ZNF609: variants seen among roughly 807,000 people sequenced by gnomAD.
The protein encoded by ZNF609 is zinc finger protein 609.
In ZNF609, 11 loss-of-function variants were observed where a neutral mutation model predicts 109.5. The ratio of observed to expected loss-of-function variants is 0.10; its 90% CI spans 0.06 to 0.17. ZNF609 has a LOEUF of 0.17. Ranked by LOEUF, ZNF609 falls within the 10% of genes least tolerant of loss-of-function variation. ZNF609 has a pLI of 1.00. For synonymous variants in ZNF609, 646 were observed against 662.0 expected (o/e 0.98, Z 0.37); for missense variants, 1,559 against 1,772.4 (o/e 0.88, Z 2.16).
chr15:64,675,040 A>G lies in ZNF609; in HGVS notation c.2186A>G (p.Lys729Arg). The part of the protein sequence containing the change: ...PALTPAKDKK[K>R]KDKKKKESSK... The stretch of plus-strand genomic sequence containing the variant: ...TTGACTCCAGCCAAGGACAAGAAAA[A>G]GAAAGACAAAAAAAAGAAGGAATCT... Residue 729 changes from lysine to arginine, a missense_variant, in exon 5 of 10, where the codon AAG becomes AGG. By Grantham distance (26) the Lys-to-Arg change is conservative. This residue lies in a region of ZNF609 where 1,204 missense variants were observed against 1,314.1 expected (regional missense o/e 0.92). Coordinates refer to ENST00000326648, the MANE Select transcript of ZNF609 (RefSeq NM_015042.2). 6.2e-7 allele frequency: 1 copy of G among 1,614,138 alleles called. No individual in the cohort carries two copies. Among genetic ancestry groups the G allele is most frequent in the Non-Finnish European group, 8.5e-7 (1 of 1,180,040 alleles).
intron 2 of ZNF609, among the ~76,000 whole-genome samples, chr15:64,531,830 C>T (rs1306638567): frequency 6.6e-6 from 1 of 152,168 alleles, no homozygotes; most frequent in Admixed American, 6.5e-5. Flanking sequence ...CTTAGAAATT[C>T]CATTCTCTCT....
intron 2 of ZNF609, among the ~76,000 whole-genome samples, chr15:64,532,621 T>G (rs1160450774): frequency 6.6e-6 from 1 of 152,216 alleles, no homozygotes; most frequent in Non-Finnish European, 1.5e-5. Context: ...GTTTTAAACA[T>G]CTTTAAGATG....
At chr15:64,485,690 A>T (rs1566995546) in intron 1 of ZNF609, among the ~76,000 whole-genome samples, 1 of 152,100 alleles carries the variant, frequency 6.6e-6, no homozygotes, top group Non-Finnish European at 1.5e-5. Context: ...CTGTAGTCCC[A>T]GCTATTCTGG....
At chr15:64,612,154 C>CT (rs1221182720) in intron 2 of ZNF609, among the ~76,000 whole-genome samples, 113 of 142,866 alleles carry the variant, frequency 7.9e-4, no homozygotes, top group East Asian at 4.7e-3. Context: ...TATATAGCTT[C>CT]TTTTTTTTTT....
intron 1 of ZNF609, among the ~76,000 whole-genome samples, chr15:64,461,837 C>T (rs1237507750): frequency 6.6e-6 from 1 of 152,330 alleles, no homozygotes. Context: ...ACAGGCCTCC[C>T]TTTTCTGTAT....
intron 1 of ZNF609, among the ~76,000 whole-genome samples, chr15:64,496,200 CTG>C (rs1477379052): frequency 2.0e-5 from 3 of 152,226 alleles, no homozygotes; most frequent in Admixed American, 6.5e-5. Context: ...GTACAGTAGA[CTG>C]AGAACTGTCA....
intron 3 of ZNF609, among the ~76,000 whole-genome samples, chr15:64,646,654 A>C (rs1478698901): frequency 7.1e-6 from 1 of 141,288 alleles, no homozygotes; most frequent in African/African-American, 2.7e-5. Context: ...AAAAAAAAAA[A>C]AAAACTGGGC....
chr15:64,558,274 CCCTACCCCCACCT>C (rs1205445686), intron 2 of ZNF609, among the ~76,000 whole-genome samples: 1 of 139,710 alleles, frequency 7.2e-6, no homozygotes, highest in Non-Finnish European at 1.6e-5. Context: ...CTCTTGCCAC[CCCTACCCCCACCT>C]CCTACCTGGG....
chr15:64,493,620 A>G (rs1234654052), intron 1 of ZNF609, among the ~76,000 whole-genome samples: 3 of 152,218 alleles, frequency 2.0e-5, no homozygotes, highest in Non-Finnish European at 4.4e-5. Context: ...ATGGTGGACA[A>G]GTGATTCCAG....
In ZNF609 at chr15:64,590,403, C is replaced by G. The variant is rs779971597; in HGVS notation, c.748-32424C>G. ...GTGGCATGATATCAGCTCACTGCAA[C>G]CTCTGCTTCCTGGTTTCAAGTGATT... is the stretch of plus-strand genomic sequence containing the variant. On this transcript the variant is annotated intron_variant, in intron 2 of 9. Transcript: ENST00000326648. Among the ~76,000 whole-genome samples, 45 of 152,026 alleles carry G rather than the reference C, an allele frequency of 3.0e-4. 1 individual carries two copies. Among genetic ancestry groups the G allele is most frequent in the Non-Finnish European group, 2.9e-5 (2 of 68,024 alleles).
intron 2 of ZNF609, among the ~76,000 whole-genome samples, chr15:64,570,854 C>T (rs1436437670): frequency 2.6e-5 from 4 of 152,002 alleles, no homozygotes; most frequent in Non-Finnish European, 5.9e-5. Flanking sequence ...AGCAAAACCT[C>T]GTCTCTACTA....
At chr15:64,552,432 C>T (rs1197861568) in intron 2 of ZNF609, among the ~76,000 whole-genome samples, 3 of 151,698 alleles carry the variant, frequency 2.0e-5, no homozygotes, top group African/African-American at 4.8e-5. Context: ...AGTGCAGTGA[C>T]GCGATCTTGG....
intron 2 of ZNF609, among the ~76,000 whole-genome samples, chr15:64,577,630 CAT>C (rs1315152911): frequency 1.3e-4 from 4 of 31,772 alleles, no homozygotes; most frequent in Admixed American, 5.0e-4. Context: ...TATATATACA[CAT>C]ATAAATATAT....
At chr15:64,593,593 C>T (rs535745991) in intron 2 of ZNF609, among the ~76,000 whole-genome samples, 5 of 152,234 alleles carry the variant, frequency 3.3e-5, no homozygotes, top group Admixed American at 3.3e-4. Flanking sequence ...GTGGTGCAAT[C>T]ACAGCTCACT....
intron 2 of ZNF609, among the ~76,000 whole-genome samples, chr15:64,550,799 T>C (rs1257436016): frequency 7.1e-6 from 1 of 141,122 alleles, no homozygotes; most frequent in Non-Finnish European, 1.5e-5. Context: ...ATCGTGCCAC[T>C]GCACTCCAGC....
chr15:64,535,422 T>G (rs1204486808), intron 2 of ZNF609, among the ~76,000 whole-genome samples: 1 of 152,228 alleles, frequency 6.6e-6, no homozygotes, highest in African/African-American at 2.4e-5. Context: ...TTCTGGAGAT[T>G]CATCCAGGTT....
chr15:64,680,897 C>CTTGTT, intron 8 of ZNF609, 35 bp downstream of exon 8: 11 of 1,600,006 alleles, frequency 6.9e-6, no homozygotes, highest in Non-Finnish European at 9.3e-6. Context: ...GTTGTTTTGT[C>CTTGTT]TTGTTTTGTT....
intron 2 of ZNF609, among the ~76,000 whole-genome samples, chr15:64,573,879 G>T (rs918914332): frequency 1.3e-5 from 2 of 152,094 alleles, no homozygotes; most frequent in Non-Finnish European, 2.9e-5. Flanking sequence ...TTTAATCAGG[G>T]TTATTGCAGA....
intron 2 of ZNF609, among the ~76,000 whole-genome samples, chr15:64,545,620 A>G (rs896697036): frequency 2.6e-5 from 4 of 152,178 alleles, no homozygotes; most frequent in Non-Finnish European, 4.4e-5. Flanking sequence ...CCCAAAACCA[A>G]GATGTAGAAC....
Sources: allele counts gnomAD v4.1 joint callset (sites outside exome capture counted in the v4.1 genomes callset), GRCh38; gene constraint gnomAD v4.1.1; regional missense constraint gnomAD v4.1.1; transcripts MANE v1.5; gene names NCBI Gene and HGNC (gene_info 2026-07-23, HGNC 2026-07-21).